Variants in GLCCI1 observed in about 807,000 individuals in gnomAD.
GLCCI1 encodes the protein glucocorticoid induced 1, also known as glucocorticoid-induced transcript 1 protein.
In GLCCI1, 24 loss-of-function variants were observed where a neutral mutation model predicts 52.2. That is an observed-to-expected ratio of 0.46 (90% CI 0.33 to 0.65). The LOEUF (loss-of-function observed/expected upper bound fraction) is 0.65. Ranked by LOEUF, GLCCI1 falls within the 30% of genes least tolerant of loss-of-function variation. The pLI is 0.02. For synonymous variants in GLCCI1, 310 were observed against 276.5 expected, an observed-to-expected ratio of 1.12 and a Z score of -1.20; for missense variants, 704 against 701.5, an observed-to-expected ratio of 1.00 and a Z score of -0.04.
chr7:8,081,843 AGAGTT>A (rs1434178064), intron 6 of GLCCI1, among the ~76,000 whole-genome samples: 2 of 152,168 alleles, frequency 1.3e-5, no homozygotes, highest in South Asian at 2.1e-4. Flanking sequence ...CTTGATTTTC[AGAGTT>A]GAGTGATTGT....
At chr7:8,039,766 C>T (rs59697814) in intron 3 of GLCCI1, among the ~76,000 whole-genome samples, 7,373 of 152,074 alleles carry the variant, frequency 0.048, 297 homozygotes, top group East Asian at 0.18. Context: ...GGAGGCCACG[C>T]GGGGTGGATC....
intron 3 of GLCCI1, among the ~76,000 whole-genome samples, chr7:8,034,266 A>G (rs1781817954): frequency 6.6e-6 from 1 of 152,166 alleles, no homozygotes; most frequent in Admixed American, 6.5e-5. Context: ...GTGAATCATA[A>G]TCCTAAATGT....
At chr7:7,971,158 G>C (rs375072889) in intron 1 of GLCCI1, among the ~76,000 whole-genome samples, 2 of 152,280 alleles carry the variant, frequency 1.3e-5, no homozygotes, top group African/African-American at 4.8e-5. Context: ...CCTGTAATCT[G>C]TATGCATTGG....
intron 5 of GLCCI1, among the ~76,000 whole-genome samples, chr7:8,062,427 T>C (rs1289852052): frequency 6.6e-6 from 1 of 152,208 alleles, no homozygotes; most frequent in African/African-American, 2.4e-5. Context: ...GCTGTGAAGT[T>C]GGTATAGTTT....
At chr7:8,036,059 A>G (rs1314181266) in intron 3 of GLCCI1, among the ~76,000 whole-genome samples, 1 of 152,228 alleles carries the variant, frequency 6.6e-6, no homozygotes, top group Non-Finnish European at 1.5e-5. Context: ...GATCAAGCAT[A>G]TACCCATCTG....
chr7:8,004,306 T>C (rs1781105075), intron 2 of GLCCI1: 1 of 297,662 alleles, frequency 3.4e-6, no homozygotes, highest in Admixed American at 4.8e-5. Context: ...GTAGACACGT[T>C]GTAATTTTAA....
At chr7:7,972,016 A>G (rs1452951300) in intron 1 of GLCCI1, among the ~76,000 whole-genome samples, 1 of 152,106 alleles carries the variant, frequency 6.6e-6, no homozygotes, top group Non-Finnish European at 1.5e-5. Flanking sequence ...TTACTTCTCC[A>G]TGTCCCGCCT....
rs1781525435 is a variant in GLCCI1, at chr7:8,022,982, G to C, written c.696+413G>C. Among the ~76,000 whole-genome samples, 4 of 152,164 alleles carry C rather than the reference G, an allele frequency of 2.6e-5. No individual in the cohort carries two copies. The South Asian group carries it at 8.3e-4, about 32-fold the overall frequency. On this transcript the variant is annotated intron_variant, in intron 3 of 7. Transcript: ENST00000223145. ...GTAGCAACCAGAGCTATAGGTTATA[G>C]CTTTGTACAATGGTAGGATAGTGTT...
intron 1 of GLCCI1, among the ~76,000 whole-genome samples, chr7:7,976,029 G>A (rs1562412978): frequency 1.3e-5 from 2 of 152,302 alleles, no homozygotes; most frequent in South Asian, 2.1e-4. Context: ...TCAAGTGATT[G>A]TCCCAGCAAC....
intron 6 of GLCCI1, among the ~76,000 whole-genome samples, chr7:8,083,964 T>C (rs149909357): frequency 3.5e-4 from 54 of 152,362 alleles, no homozygotes; most frequent in African/African-American, 9.6e-4. Flanking sequence ...TGTTGCTATC[T>C]TCCCAATAGA....
In GLCCI1 at chr7:7,982,572, A is replaced by G. The variant is rs189509276; in HGVS notation, c.457+12765A>G. On this transcript the variant is annotated intron_variant, in intron 1 of 7. Coordinates refer to ENST00000223145, the MANE Select transcript of GLCCI1 (RefSeq NM_138426.4). The stretch of plus-strand genomic sequence containing the variant: ...AGGGATAATAAATATGAATATCTGT[A>G]TACTCATCAGCCAGCTTAAGATCTA... 1.5e-4 allele frequency among the ~76,000 whole-genome samples: 23 copies of G among 152,304 alleles called. No individual in the cohort carries two copies. In the East Asian group the frequency reaches 1.9e-3, roughly 13 times the overall value.
At chr7:8,051,407 C>G (rs1444423773) in intron 3 of GLCCI1, among the ~76,000 whole-genome samples, 1 of 152,234 alleles carries the variant, frequency 6.6e-6, no homozygotes, top group Non-Finnish European at 1.5e-5. Context: ...AACCTTAGAA[C>G]CTAATTACAG....
intron 2 of GLCCI1, among the ~76,000 whole-genome samples, chr7:8,004,769 GA>G (rs759912500): frequency 1.2e-4 from 19 of 152,210 alleles, no homozygotes; most frequent in Non-Finnish European, 2.5e-4. Context: ...GGTAAAAGAA[GA>G]CAGTGTATAA....
chr7:8,033,227 CAACA>C (rs1781795258), intron 3 of GLCCI1, among the ~76,000 whole-genome samples: 1 of 150,680 alleles, frequency 6.6e-6, no homozygotes, highest in African/African-American at 2.4e-5. Context: ...AAAAAAAAAT[CAACA>C]AACTGGGAAC....
rs1780278610 is a variant in GLCCI1 at position 7,969,171 on chromosome 7, C to T, written c.-180C>T. On this transcript the variant is annotated 5_prime_UTR_variant, in exon 1 of 8. Transcript: ENST00000223145. This position sits in a 1 kb window ranked among gnomAD's most constrained non-coding sequence, Gnocchi z 4.9. ...TCGCAGCCTTCCCCTCCCCCCTCGCCGAGGCGGCGGGGGTGTGCGTTGGGG... is the reference window on the plus strand; with the variant it reads ...TCGCAGCCTTCCCCTCCCCCCTCGCTGAGGCGGCGGGGGTGTGCGTTGGGG... 1.8e-6 allele frequency: 1 copy of T among 557,644 alleles called. No homozygotes were observed. Among genetic ancestry groups the T allele is most frequent in the Non-Finnish European group, 2.5e-6 (1 of 405,590 alleles). 34.5% of individuals were successfully genotyped at this position (557,644 alleles called of 1,614,324 possible).
chr7:8,078,772 A>G lies in GLCCI1; in HGVS notation c.1178-6125A>G, dbSNP rs1782927853. On this transcript the variant is annotated intron_variant, in intron 6 of 7. Transcript: ENST00000223145. ...GGTGAGGGAGGAGGAGGAGATCAGG[A>G]TAACAGCAAAGTTCTTATGAAGTTC... 2.0e-5 allele frequency: 3 copies of G among 152,192 alleles called. No individual in the cohort carries two copies. In the South Asian group the frequency reaches 6.2e-4, roughly 32 times the overall value. 9.4% of individuals were successfully genotyped at this position (152,192 alleles called of 1,614,324 possible).
chr7:7,997,041 G>C (rs986599047), intron 1 of GLCCI1, among the ~76,000 whole-genome samples: 27 of 152,128 alleles, frequency 1.8e-4, no homozygotes, highest in African/African-American at 6.3e-4. Context: ...ATATGTCAAG[G>C]AGGAAGACTA....
At chr7:8,021,592 G>T (rs1279267832) in intron 2 of GLCCI1, among the ~76,000 whole-genome samples, 1 of 152,012 alleles carries the variant, frequency 6.6e-6, no homozygotes, top group African/African-American at 2.4e-5. Context: ...TTTTAGAGGC[G>T]GGGTTTCACC....
intron 3 of GLCCI1, among the ~76,000 whole-genome samples, chr7:8,026,440 G>A (rs1781622354): frequency 1.3e-5 from 2 of 152,154 alleles, no homozygotes; most frequent in African/African-American, 2.4e-5. Context: ...ATCTGCACAG[G>A]GAAAAACACC....
Sources: allele counts gnomAD v4.1 joint callset (sites outside exome capture counted in the v4.1 genomes callset), GRCh38; gene constraint gnomAD v4.1.1; non-coding constraint Gnocchi (gnomAD v3.1); transcripts MANE v1.5; gene names NCBI Gene and HGNC (gene_info 2026-07-23, HGNC 2026-07-21).